PTPN14: variants seen among roughly 807,000 people sequenced by gnomAD.
PTPN14 encodes the protein protein tyrosine phosphatase non-receptor type 14, also known as tyrosine-protein phosphatase non-receptor type 14.
Under a neutral mutation model 126.8 loss-of-function variants are expected in PTPN14, and 53 were observed. That is an observed-to-expected ratio of 0.42 (90% confidence interval 0.34 to 0.53). The LOEUF (loss-of-function observed/expected upper bound fraction) is 0.53, where lower values mean the gene tolerates loss of function less well. PTPN14 is among the 20% of genes least tolerant of loss of function. The pLI, the probability that PTPN14 is intolerant of heterozygous loss-of-function variation, is 0.08. For missense variants in PTPN14, 1,257 were observed against 1,552.9 expected (o/e 0.81, Z 3.20); for synonymous variants, 630 against 599.3 (o/e 1.05, Z -0.75).
At position 214,349,049 on chromosome 1, in the gene PTPN14, T is replaced by C. The variant is rs955349204; in HGVS notation, c.*8873A>G. Reference sequence around the variant, plus strand: ...AATTGATAGGGAGTCTATACCAAAGTACAGTTGACATGAATAGTGATAAAA... The same window carrying C: ...AATTGATAGGGAGTCTATACCAAAGCACAGTTGACATGAATAGTGATAAAA... On this transcript the variant is annotated 3_prime_UTR_variant, in exon 19 of 19. Transcript: ENST00000366956. The C allele has an allele frequency of 1.3e-5, 2 of 152,192 alleles. No homozygotes were observed. The highest frequency in any genetic ancestry group is 1.3e-4 in the Admixed American group (2 of 15,280). 9.4% of individuals were successfully genotyped at this position (152,192 alleles called of 1,614,324 possible).
chr1:214,525,281 C>T (rs1311808473), intron 1 of PTPN14, among the ~76,000 whole-genome samples: 1 of 152,182 alleles, frequency 6.6e-6, no homozygotes, highest in Non-Finnish European at 1.5e-5. Flanking sequence ...CCAACCACTT[C>T]CAACCTCTGA....
Position 214,383,508 on chromosome 1 carries a change from G to A in PTPN14, c.2347C>T (p.His783Tyr). The A allele has an allele frequency of 2.5e-6, 4 of 1,614,158 alleles. No individual in the cohort carries two copies. The highest frequency in any genetic ancestry group is 2.2e-5 in the South Asian group (2 of 91,084). Residue 783 changes from histidine (H) to tyrosine (Y), a missense_variant, in exon 13 of 19, where the codon CAT becomes TAT. Physicochemically the swap from His to Tyr is moderately conservative, Grantham distance 83 (BLOSUM62 2). Coordinates refer to ENST00000366956, the MANE Select transcript of PTPN14 (RefSeq NM_005401.5). The surrounding 1 kb of genome is among the most constrained non-coding windows in gnomAD (Gnocchi z 4.4). ...PAMARARVLRHGPAKAISMSR... is the reference protein window; with the variant it reads ...PAMARARVLRYGPAKAISMSR... ...ATGCTGATGGCCTTGGCTGGCCCAT[G>A]CCTCAGCACCCTGGCTCTGGCCATG...
At chr1:214,454,945 G>C (rs1484993321) in intron 2 of PTPN14, among the ~76,000 whole-genome samples, 1 of 152,180 alleles carries the variant, frequency 6.6e-6, no homozygotes, top group Non-Finnish European at 1.5e-5. Flanking sequence ...TTCTCTAGCA[G>C]GAAGAAAAGT....
intron 1 of PTPN14, among the ~76,000 whole-genome samples, chr1:214,485,281 G>A (rs1401917882): frequency 1.3e-5 from 2 of 152,112 alleles, no homozygotes; most frequent in African/African-American, 4.8e-5. Flanking sequence ...ATCTCTCCCA[G>A]GAAGCTGCCA....
At chr1:214,466,926 C>A (rs1405556824) in intron 1 of PTPN14, among the ~76,000 whole-genome samples, 1 of 152,102 alleles carries the variant, frequency 6.6e-6, no homozygotes, top group East Asian at 1.9e-4. Flanking sequence ...AGGTTATAAC[C>A]CTGCAACATA....
intron 13 of PTPN14, among the ~76,000 whole-genome samples, chr1:214,379,354 T>C (rs1322372425): frequency 6.6e-6 from 1 of 152,196 alleles, no homozygotes; most frequent in African/African-American, 2.4e-5. Flanking sequence ...TTATGAATTA[T>C]TCTAATTGCG....
Position 214,527,340 on chromosome 1 carries a change from C to G in PTPN14, c.-155+23843G>C, listed in dbSNP as rs556729211. On this transcript the variant is annotated intron_variant, in intron 1 of 18. Transcript: ENST00000366956. ...TCTTATGCATTCGATCAGGAGTAAC[C>G]AATGCCAACTTAGAAATTTATACTG... Among the ~76,000 whole-genome samples the G allele has an allele frequency of 2.0e-5, 3 of 152,222 alleles. 1 individual carries two copies. Among genetic ancestry groups the G allele is most frequent in the African/African-American group, 7.2e-5 (3 of 41,546 alleles).
At chr1:214,465,854 C>A (rs2102654049) in intron 1 of PTPN14, among the ~76,000 whole-genome samples, 1 of 130,422 alleles carries the variant, frequency 7.7e-6, no homozygotes, top group Non-Finnish European at 1.6e-5. Flanking sequence ...CTCTTATTAA[C>A]ATTATTTACT....
Position 214,414,734 on chromosome 1 carries a change from T to C in PTPN14, c.345-8A>G, listed in dbSNP as rs776697371. ...TGCAGGTAATACTGATATCTGTTCA[T>C]GGGAATAGAGGAACAAACAACCTTA... On this transcript the variant is annotated splice_polypyrimidine_tract_variant and splice_region_variant and intron_variant, in intron 3 of 18. Transcript: ENST00000366956. The C allele has an allele frequency of 1.5e-5, 24 of 1,601,322 alleles. No homozygotes were observed. Among genetic ancestry groups the C allele is most frequent in the Non-Finnish European group, 1.9e-5 (22 of 1,168,386 alleles).
intron 15 of PTPN14, among the ~76,000 whole-genome samples, chr1:214,373,492 T>C (rs572843481): frequency 4.0e-4 from 60 of 151,628 alleles, no homozygotes; most frequent in African/African-American, 1.4e-3. Context: ...TAATAGTTAC[T>C]GCTTACTATG....
intron 1 of PTPN14, among the ~76,000 whole-genome samples, chr1:214,514,994 T>C (rs564575719): frequency 1.3e-5 from 2 of 152,098 alleles, no homozygotes; most frequent in African/African-American, 4.8e-5. Flanking sequence ...AGCATCCATC[T>C]CTCTCCATCA....
chr1:214,452,887 C>A (rs1660302347), intron 2 of PTPN14, among the ~76,000 whole-genome samples: 1 of 152,100 alleles, frequency 6.6e-6, no homozygotes, highest in Admixed American at 6.5e-5. Context: ...GGAAATCTGC[C>A]TTCAAAAGAA....
chr1:214,464,809 T>C lies in PTPN14; in HGVS notation c.-6A>G, dbSNP rs1660592650. ...AGCTTCAGACCAAAAGGCATGGCTA[T>C]GTGGTCCTCGGACGCCGCCCGCCTA... On this transcript the variant is annotated 5_prime_UTR_variant, in exon 2 of 19. Coordinates refer to ENST00000366956, the MANE Select transcript of PTPN14 (RefSeq NM_005401.5). The C allele has an allele frequency of 6.2e-7, 1 of 1,613,008 alleles. No individual in the cohort carries two copies. The highest frequency in any genetic ancestry group is 1.3e-5 in the African/African-American group (1 of 74,934).
chr1:214,524,971 A>T (rs1009160764), intron 1 of PTPN14, among the ~76,000 whole-genome samples: 1 of 152,194 alleles, frequency 6.6e-6, no homozygotes, highest in African/African-American at 2.4e-5. Flanking sequence ...ACTATAAAGG[A>T]ATCTGCCATG....
intron 1 of PTPN14, among the ~76,000 whole-genome samples, chr1:214,507,998 A>C (rs989137254): frequency 1.3e-5 from 2 of 152,136 alleles, no homozygotes; most frequent in African/African-American, 4.8e-5. Context: ...TCTCTAAGAA[A>C]AAAAAAAATA....
chr1:214,529,031 G>A (rs1028428616), intron 1 of PTPN14: 1 of 151,870 alleles, frequency 6.6e-6, no homozygotes, highest in African/African-American at 2.4e-5. Context: ...GGCCGGGTAT[G>A]GTGGCTCACA....
At chr1:214,525,787 C>A (rs1655376876) in intron 1 of PTPN14, among the ~76,000 whole-genome samples, 1 of 152,072 alleles carries the variant, frequency 6.6e-6, no homozygotes, top group African/African-American at 2.4e-5. Context: ...TGACTTGGGA[C>A]TCAGGTTTCT....
At chr1:214,371,623 C>T (rs1348255645) in intron 16 of PTPN14, among the ~76,000 whole-genome samples, 1 of 152,162 alleles carries the variant, frequency 6.6e-6, no homozygotes, top group Non-Finnish European at 1.5e-5. Flanking sequence ...ACCGTGTACT[C>T]CTGAAGTTAG....
chr1:214,502,653 G>A (rs1020907777), intron 1 of PTPN14, among the ~76,000 whole-genome samples: 13 of 152,058 alleles, frequency 8.5e-5, no homozygotes, highest in African/African-American at 1.9e-4. Flanking sequence ...GCCACTGTGC[G>A]AGGCCAACTA....
Sources: gnomAD v4.1 joint callset for allele counts (sites outside exome capture counted in the v4.1 genomes callset) on GRCh38, gnomAD v4.1.1 for gene constraint, Gnocchi (gnomAD v3.1) non-coding constraint, MANE v1.5 for transcripts, NCBI Gene and HGNC (gene_info 2026-07-23, HGNC 2026-07-21) for gene names.